ZNF26: variants seen among roughly 807,000 people sequenced by gnomAD.
ZNF26 encodes epididymis luminal protein 179.
ZNF26 carries 32 observed loss-of-function variants against 54.9 expected under a neutral mutation model. That is an observed-to-expected ratio of 0.58 (90% CI 0.44 to 0.78). The LOEUF is 0.78. Ranked by LOEUF, ZNF26 falls within the 30% of genes least tolerant of loss-of-function variation. ZNF26 has a pLI of 0.00. For missense variants in ZNF26, 524 were observed against 634.0 expected (o/e 0.83, Z 1.86); for synonymous variants, 221 against 209.2 (o/e 1.06, Z -0.49).
At chr12:132,998,849 T>C (rs1212604535) in intron 1 of ZNF26, among the ~76,000 whole-genome samples, 1 of 152,236 alleles carries the variant, frequency 6.6e-6, no homozygotes, top group East Asian at 1.9e-4. Flanking sequence ...TTGCTGAACT[T>C]ATGCAAATAA....
intron 1 of ZNF26, among the ~76,000 whole-genome samples, chr12:133,003,504 C>T (rs1953263975): frequency 1.3e-5 from 2 of 152,000 alleles, no homozygotes; most frequent in Admixed American, 6.6e-5. Flanking sequence ...TCCGCCGCCT[C>T]GGCCTCCCAA....
chr12:133,008,518 T>C (rs1343484829), intron 3 of ZNF26, among the ~76,000 whole-genome samples: 2 of 152,146 alleles, frequency 1.3e-5, no homozygotes, highest in Non-Finnish European at 2.9e-5. Flanking sequence ...GGCTCATGCC[T>C]GTAATCCCAG....
chr12:133,009,060 C>T (rs1953409211), intron 3 of ZNF26, among the ~76,000 whole-genome samples: 1 of 152,086 alleles, frequency 6.6e-6, no homozygotes, highest in Admixed American at 6.6e-5. Context: ...GGGATCTGCC[C>T]CCATAATCCA....
At chr12:132,992,239 T>A (rs1952980442) in intron 1 of ZNF26, among the ~76,000 whole-genome samples, 1 of 152,196 alleles carries the variant, frequency 6.6e-6, no homozygotes, top group Non-Finnish European at 1.5e-5. Context: ...TAAATTATCT[T>A]AGTTTTTGTT....
intron 1 of ZNF26, among the ~76,000 whole-genome samples, chr12:132,989,028 ATTTTT>A (rs150395603): frequency 4.6e-4 from 36 of 78,842 alleles, no homozygotes; most frequent in African/African-American, 1.6e-3. Flanking sequence ...CTTTCGGTGA[ATTTTT>A]TTTTTTTTTT....
At position 133,001,407 on chromosome 12, in the gene ZNF26, TG is replaced by T. The variant is rs1447495958; in HGVS notation, c.34-5632del. Among the ~76,000 whole-genome samples, 174 of 152,292 alleles carry T rather than the reference TG, an allele frequency of 1.1e-3. 1 individual carries two copies. Among genetic ancestry groups the T allele is most frequent in the African/African-American group, 4.0e-3 (166 of 41,576 alleles). On this transcript the variant is annotated intron_variant, in intron 1 of 3. Transcript: ENST00000328654. The surrounding 1 kb of genome is among the most constrained non-coding windows in gnomAD (Gnocchi z 4.7). ...GTTGCCCTCCGACGGGGGCTCCTTC[TG>T]GGTTGGGGTGGGAAAATCAGTGGTT...
rs1160314160 is a variant in ZNF26, at chr12:132,986,610, A to G, written c.-231A>G. ...CGAGTCAGGGCCACGGAAAGGCACA[A>G]ATCCATCCGTGCGACTCCTGGTACC... On this transcript the variant is annotated 5_prime_UTR_variant, in exon 1 of 4. Coordinates refer to ENST00000328654, the MANE Select transcript of ZNF26 (RefSeq NM_019591.4). 1.7e-6 allele frequency: 1 copy of G among 590,492 alleles called. No homozygotes were observed. The allele number at this position is 590,492 out of a possible 1,614,324, so 36.6% of individuals were successfully genotyped here.
At chr12:132,991,359 A>G (rs1952950328) in intron 1 of ZNF26, among the ~76,000 whole-genome samples, 2 of 151,350 alleles carry the variant, frequency 1.3e-5, no homozygotes, top group Admixed American at 1.3e-4. Flanking sequence ...AGCGCCGGGC[A>G]TGGTGGCACA....
intron 1 of ZNF26, among the ~76,000 whole-genome samples, chr12:132,987,424 G>A (rs1593625813): frequency 6.6e-6 from 1 of 152,214 alleles, no homozygotes; most frequent in African/African-American, 2.4e-5. Context: ...GAGTCCGAAA[G>A]GTAAGGGGCG....
At position 132,996,961 on chromosome 12, in the gene ZNF26, C is replaced by T. The variant is rs1200084985; in HGVS notation, c.34-10081C>T. ...TTTAATAGGGACTTAAGAACAGAAG[C>T]CATGTCTGTGTCTCATGCAGTGGCA... On this transcript the variant is annotated intron_variant, in intron 1 of 3. Transcript: ENST00000328654. Among the ~76,000 whole-genome samples, 4 of 152,250 alleles carry T rather than the reference C, an allele frequency of 2.6e-5. No homozygotes were observed. The South Asian group carries it at 6.2e-4, about 24-fold the overall frequency.
In ZNF26 at chr12:132,986,717, C is replaced by G. The variant is rs1009560814; in HGVS notation, c.-124C>G. 4 of 1,088,502 alleles carry G rather than the reference C, an allele frequency of 3.7e-6. No homozygotes were observed. The highest frequency in any genetic ancestry group is 2.4e-5 in the Admixed American group (1 of 42,048). 67.4% of individuals were successfully genotyped at this position (1,088,502 alleles called of 1,614,324 possible). A position where few individuals can be genotyped will look rare whatever the true frequency, so the allele number is the denominator to read the frequency against. On this transcript the variant is annotated 5_prime_UTR_variant, in exon 1 of 4. Coordinates refer to ENST00000328654, the MANE Select transcript of ZNF26 (RefSeq NM_019591.4). ...CGGCGTCCCTGCCAACGACTCGGCC[C>G]CGGGACGGTCAGGAGCCTGGGGCCC... is the stretch of plus-strand genomic sequence containing the variant.
rs1352415502 is a variant in ZNF26, at chr12:133,010,786, G to T, written c.907G>T (p.Val303Leu). 1.9e-6 allele frequency: 3 copies of T among 1,613,842 alleles called. No homozygotes were observed. The highest frequency in any genetic ancestry group is 1.1e-5 in the South Asian group (1 of 91,078). ...KAFSLKSPFV[V>L]HQRTHTGVKP... Reference sequence around the variant, plus strand: ...CTTTAGTTTGAAGTCTCCATTCGTTGTACACCAGAGAACTCATACAGGAGT... The same window carrying T: ...CTTTAGTTTGAAGTCTCCATTCGTTTTACACCAGAGAACTCATACAGGAGT... Residue 303 changes from valine to leucine, a missense_variant, in exon 4 of 4, where the codon GTA (valine) becomes TTA (leucine). Physicochemically the swap from Val to Leu is conservative, Grantham distance 32. Coordinates refer to ENST00000328654, the MANE Select transcript of ZNF26 (RefSeq NM_019591.4).
chr12:132,992,313 AT>A (rs1483818967), intron 1 of ZNF26, among the ~76,000 whole-genome samples: 1 of 83,732 alleles, frequency 1.2e-5, no homozygotes, highest in Admixed American at 1.4e-4. Context: ...TGTTTTGATG[AT>A]TTTTTTTTCT....
rs1359378303 is a variant in ZNF26, at chr12:133,019,485, T to G, written c.*8004T>G. 6.6e-6 allele frequency: 1 copy of G among 152,188 alleles called. No individual in the cohort carries two copies. Among genetic ancestry groups the G allele is most frequent in the Non-Finnish European group, 1.5e-5 (1 of 68,034 alleles). The allele number at this position is 152,188 out of a possible 1,614,324, so 9.4% of individuals were successfully genotyped here. ...TGAAAAAATGCTCAATATCACCACT[T>G]ATCAGAGAAATGCAAATTAACCACA... is the stretch of plus-strand genomic sequence containing the variant. On this transcript the variant is annotated 3_prime_UTR_variant, in exon 4 of 4. Coordinates refer to ENST00000328654, the MANE Select transcript of ZNF26 (RefSeq NM_019591.4).
chr12:133,021,153 C>CT lies in ZNF26; in HGVS notation c.*9673dup, dbSNP rs1354109528. The CT allele has an allele frequency of 1.9e-4, 25 of 132,768 alleles. No homozygotes were observed. The highest frequency in any genetic ancestry group is 7.2e-4 in the African/African-American group (25 of 34,740). 8.2% of individuals were successfully genotyped at this position (132,768 alleles called of 1,614,324 possible). On this transcript the variant is annotated 3_prime_UTR_variant, in exon 4 of 4. Coordinates refer to ENST00000328654, the MANE Select transcript of ZNF26 (RefSeq NM_019591.4). Reference sequence around the variant, plus strand: ...TTTTTTTTTGAGACGGAATCTCACTCTGTCACCAAGGTTGAAGTGCAGTGG... The same window carrying CT: ...TTTTTTTTTGAGACGGAATCTCACTCTTGTCACCAAGGTTGAAGTGCAGTGG...
In ZNF26 at chr12:133,014,589, C is replaced by G. The variant is rs1270498025; in HGVS notation, c.*3108C>G. ...TGAGACGGAGTCTTGTTCTGTCACCCAGGCTGGAGTGAATTGCACAATCTC... is the reference window on the plus strand; with the variant it reads ...TGAGACGGAGTCTTGTTCTGTCACCGAGGCTGGAGTGAATTGCACAATCTC... On this transcript the variant is annotated 3_prime_UTR_variant, in exon 4 of 4. Coordinates refer to ENST00000328654, the MANE Select transcript of ZNF26 (RefSeq NM_019591.4). 1.3e-5 allele frequency: 2 copies of G among 151,014 alleles called. No homozygotes were observed. The highest frequency in any genetic ancestry group is 2.9e-5 in the Non-Finnish European group (2 of 67,834). 9.4% of individuals were successfully genotyped at this position (151,014 alleles called of 1,614,324 possible). A position where few individuals can be genotyped will look rare whatever the true frequency, so the allele number is the denominator to read the frequency against.
rs1952831120 is a variant in ZNF26, at chr12:132,986,788, C to T, written c.-53C>T. ...GGCGGACGCATCCCTCACGGTCTCT[C>T]CGCAGCCCGCGGGTCCTGCCCCCGC... On this transcript the variant is annotated 5_prime_UTR_variant, in exon 1 of 4. Transcript: ENST00000328654. The T allele has an allele frequency of 1.9e-6, 3 of 1,565,224 alleles. No individual in the cohort carries two copies. Among genetic ancestry groups the T allele is most frequent in the Admixed American group, 1.9e-5 (1 of 52,454 alleles).
In ZNF26 at chr12:133,010,441, C is replaced by T. The variant is rs1953445357; in HGVS notation, c.562C>T (p.Gln188Ter). ...TGGGAAAGCTTTTCGTTGTAAGTCA[C>T]AGCTCATTGTACATCTCAGAATTCA... is the stretch of plus-strand genomic sequence containing the variant. ...ECGKAFRCKSQLIVHLRIHTG... is the reference protein window; with the variant it reads ...ECGKAFRCKS The change falls in exon 4 of 4, where the codon CAG becomes TAG. Residue 188 changes from glutamine to a stop codon, truncating the protein, a stop_gained. Coordinates refer to ENST00000328654, the MANE Select transcript of ZNF26 (RefSeq NM_019591.4). LOFTEE classifies it high-confidence loss of function. The T allele has an allele frequency of 1.2e-6, 2 of 1,613,960 alleles. No individual in the cohort carries two copies. The highest frequency in any genetic ancestry group is 1.7e-6 in the Non-Finnish European group (2 of 1,179,980).
At position 133,012,590 on chromosome 12, in the gene ZNF26, T is replaced by TTTTTTTG. The variant is rs1953504100; in HGVS notation, c.*1115_*1116insGTTTTTT. 2 of 123,910 alleles carry TTTTTTTG rather than the reference T, an allele frequency of 1.6e-5. No homozygotes were observed. Among genetic ancestry groups the TTTTTTTG allele is most frequent in the Non-Finnish European group, 3.4e-5 (2 of 58,068 alleles). The allele number at this position is 123,910 out of a possible 1,614,324, so 7.7% of individuals were successfully genotyped here. ...TTTTGTTGTTTGGGTTTTTTTTTTTTTTTTTTTTTTTTTTTTTTTGAGACT... is the reference window on the plus strand; with the variant it reads ...TTTTGTTGTTTGGGTTTTTTTTTTTTTTTTTTGTTTTTTTTTTTTTTTTTTTGAGACT... On this transcript the variant is annotated 3_prime_UTR_variant, in exon 4 of 4. Coordinates refer to ENST00000328654, the MANE Select transcript of ZNF26 (RefSeq NM_019591.4).
Sources: gnomAD v4.1 joint callset for allele counts (sites outside exome capture counted in the v4.1 genomes callset) on GRCh38, gnomAD v4.1.1 for gene constraint, Gnocchi (gnomAD v3.1) non-coding constraint, MANE v1.5 for transcripts, NCBI Gene and HGNC (gene_info 2026-07-23, HGNC 2026-07-21) for gene names.